The following TAF3 variants were observed in gnomAD, a reference collection of about 807,000 sequenced individuals.
TAF3 encodes TATA-box binding protein associated factor 3, also known as transcription initiation factor TFIID subunit 3.
TAF3 carries 7 observed loss-of-function variants against 80.6 expected under a neutral mutation model. The observed-to-expected ratio is 0.09, with a 90% CI of 0.05 to 0.16. The LOEUF (loss-of-function observed/expected upper bound fraction) is 0.16. TAF3 is among the 10% of genes least tolerant of loss of function. The pLI is 1.00. For synonymous variants in TAF3, 444 were observed against 446.1 expected (o/e 1.00, Z 0.06); for missense variants, 921 against 1,140.2 (o/e 0.81, Z 2.77).
At chr10:7,873,160 T>C (rs1837282175) in intron 2 of TAF3, among the ~76,000 whole-genome samples, 2 of 152,216 alleles carry the variant, frequency 1.3e-5, no homozygotes, top group South Asian at 4.1e-4. Flanking sequence ...TTTGAGAATC[T>C]GGAATCTTAG....
At chr10:7,965,766 C>T (rs769087854) in intron 3 of TAF3, 24 bp downstream of exon 3, 15 of 1,509,510 alleles carry the variant, frequency 9.9e-6, no homozygotes, top group South Asian at 1.5e-5. Context: ...CATTTTTGGC[C>T]CTATCTGAAC....
intron 2 of TAF3, among the ~76,000 whole-genome samples, chr10:7,826,474 TG>T (rs1233459669): frequency 1.4e-5 from 2 of 147,254 alleles, no homozygotes; most frequent in Non-Finnish European, 3.1e-5. Context: ...GTTTTGATAC[TG>T]ACTTCTGGCT....
chr10:7,946,458 T>C (rs140584258), intron 2 of TAF3, among the ~76,000 whole-genome samples: 237 of 152,348 alleles, frequency 1.6e-3, no homozygotes, highest in African/African-American at 5.3e-3. Flanking sequence ...GCACCATGGC[T>C]CATGCCTGTA....
intron 2 of TAF3, among the ~76,000 whole-genome samples, chr10:7,906,703 G>C (rs934870662): frequency 7.9e-5 from 12 of 151,500 alleles, no homozygotes; most frequent in Admixed American, 7.2e-4. Flanking sequence ...GAATTAAATA[G>C]AGCGCAAGCA....
chr10:7,951,317 G>A (rs1437636485), intron 2 of TAF3, among the ~76,000 whole-genome samples: 2 of 152,196 alleles, frequency 1.3e-5, no homozygotes, highest in African/African-American at 4.8e-5. Flanking sequence ...TTTTGGGTTG[G>A]CTCAGCCATG....
At chr10:7,876,396 AT>A (rs1180947746) in intron 2 of TAF3, among the ~76,000 whole-genome samples, 2 of 152,322 alleles carry the variant, frequency 1.3e-5, no homozygotes, top group African/African-American at 4.8e-5. Flanking sequence ...GTAAAGAGGT[AT>A]TTTCAATGAA....
chr10:7,894,838 T>G (rs1245881033), intron 2 of TAF3, among the ~76,000 whole-genome samples: 1 of 152,160 alleles, frequency 6.6e-6, no homozygotes, highest in African/African-American at 2.4e-5. Context: ...TCTTCTGTTT[T>G]TTATTTGATG....
intron 2 of TAF3, among the ~76,000 whole-genome samples, chr10:7,944,389 T>G (rs562986294): frequency 1.3e-5 from 2 of 152,318 alleles, no homozygotes; most frequent in East Asian, 3.9e-4. Flanking sequence ...TTCTAGTTAG[T>G]CAGTAAGACC....
intron 4 of TAF3, among the ~76,000 whole-genome samples, chr10:7,993,866 G>GATAAATA (rs1831857623): frequency 6.7e-6 from 1 of 148,996 alleles, no homozygotes; most frequent in Non-Finnish European, 1.5e-5. Flanking sequence ...GGAGAGGCAG[G>GATAAATA]ATAAATATAC....
intron 5 of TAF3, among the ~76,000 whole-genome samples, chr10:8,013,265 A>G (rs774874385): frequency 2.6e-5 from 4 of 152,252 alleles, no homozygotes; most frequent in African/African-American, 4.8e-5. Context: ...AAGGTGGTGC[A>G]TGCACATTTG....
chr10:7,950,752 C>CT (rs1389955792), intron 2 of TAF3, among the ~76,000 whole-genome samples: 1 of 152,214 alleles, frequency 6.6e-6, no homozygotes, highest in African/African-American at 2.4e-5. Context: ...AGGCAGCACT[C>CT]TGCCTTTGGT....
chr10:7,840,021 C>T (rs1378390533), intron 2 of TAF3, among the ~76,000 whole-genome samples: 1 of 152,140 alleles, frequency 6.6e-6, no homozygotes, highest in Non-Finnish European at 1.5e-5. Context: ...TTTATAAAAA[C>T]AGAAGCACAT....
At chr10:7,828,552 A>G (rs1249407829) in intron 2 of TAF3, among the ~76,000 whole-genome samples, 1 of 152,182 alleles carries the variant, frequency 6.6e-6, no homozygotes, top group East Asian at 1.9e-4. Context: ...AGCTTGCCAT[A>G]CATATTTTCA....
At chr10:7,865,195 T>C (rs1400200626) in intron 2 of TAF3, among the ~76,000 whole-genome samples, 5 of 151,860 alleles carry the variant, frequency 3.3e-5, no homozygotes, top group South Asian at 2.1e-4. Context: ...GGGCCGGGCA[T>C]GGTGGCTCAT....
At chr10:7,961,643 C>T (rs1831500839) in intron 2 of TAF3, among the ~76,000 whole-genome samples, 1 of 152,108 alleles carries the variant, frequency 6.6e-6, no homozygotes, top group South Asian at 2.1e-4. Context: ...TTAGTTATCT[C>T]AACAACACTC....
intron 2 of TAF3, among the ~76,000 whole-genome samples, chr10:7,839,490 A>T (rs576760260): frequency 2.0e-5 from 3 of 152,252 alleles, no homozygotes; most frequent in Admixed American, 2.0e-4. Flanking sequence ...GCAGTCGCAA[A>T]AATTAGCTTG....
At chr10:7,903,637 A>G (rs1837580512) in intron 2 of TAF3, among the ~76,000 whole-genome samples, 1 of 152,216 alleles carries the variant, frequency 6.6e-6, no homozygotes, top group African/African-American at 2.4e-5. Context: ...TTAGCATTGC[A>G]CCATATATGA....
chr10:7,948,517 G>A (rs1419932272), intron 2 of TAF3, among the ~76,000 whole-genome samples: 1 of 152,188 alleles, frequency 6.6e-6, no homozygotes, highest in Non-Finnish European at 1.5e-5. Flanking sequence ...AGAGTTGATT[G>A]TAATTTCATA....
intron 1 of TAF3, among the ~76,000 whole-genome samples, chr10:7,823,465 T>C (rs1415181505): frequency 3.3e-5 from 5 of 150,998 alleles, no homozygotes; most frequent in Non-Finnish European, 5.9e-5. Flanking sequence ...AACTCATCTC[T>C]ACAAAATTAA....
Sources: gnomAD v4.1 joint callset for allele counts (sites outside exome capture counted in the v4.1 genomes callset) on GRCh38, gnomAD v4.1.1 for gene constraint, MANE v1.5 for transcripts, NCBI Gene and HGNC (gene_info 2026-07-23, HGNC 2026-07-21) for gene names.